Variants in NRIP2 observed in about 807,000 individuals in gnomAD.
The protein encoded by NRIP2 is nuclear receptor-interacting protein 2.
A neutral mutation model predicts 34.1 loss-of-function variants in NRIP2; 27 were observed. The observed-to-expected ratio is 0.79, with a 90% CI of 0.58 to 1.09. NRIP2 has a LOEUF of 1.09. Among genes scored for constraint, NRIP2 ranks in the 50% least tolerant of loss-of-function variants. The probability of loss-of-function intolerance (pLI) is 0.00; values close to 1 mark genes in which losing one functional copy is unlikely to be tolerated. For synonymous variants in NRIP2, 145 were observed against 146.9 expected (o/e 0.99, Z 0.09); for missense variants, 385 against 352.6 (o/e 1.09, Z -0.74).
chr12:2,834,424 C>T lies in NRIP2; in HGVS notation c.342+218G>A, dbSNP rs541476470. On this transcript the variant is annotated intron_variant, in intron 1 of 5. Coordinates refer to ENST00000337508, the MANE Select transcript of NRIP2 (RefSeq NM_031474.3). The stretch of plus-strand genomic sequence containing the variant: ...GGGGCCATTAGAGGAAAAAGGGAAG[C>T]CAAGCAATGAGAGAATAGGAACCCT... Among the ~76,000 whole-genome samples, 6 of 152,256 alleles carry T rather than the reference C, an allele frequency of 3.9e-5. No individual in the cohort carries two copies. In the South Asian group the frequency reaches 1.2e-3, roughly 32 times the overall value.
chr12:2,834,868 G>C lies in NRIP2; in HGVS notation c.116C>G (p.Pro39Arg), dbSNP rs61735301. ...RSREDSVTPP[P>R]SSPWPTPPAG... ...TGGAGGAGTGGGCCAGGGGCTGCTC[G>C]GTGGGGGCGTCACCGAGTCCTCTCT... The change falls in exon 1 of 6, where the codon CCG (proline) becomes CGG (arginine). Residue 39 changes from proline (P) to arginine (R), a missense_variant. Physicochemically the swap from Pro to Arg is moderately radical, Grantham distance 103. Transcript: ENST00000337508. 2.2e-4 allele frequency: 357 copies of C among 1,613,850 alleles called. 2 individuals are homozygous for C. The African/African-American group carries it at 4.4e-3, about 20-fold the overall frequency.
chr12:2,827,708 T>A lies in NRIP2; in HGVS notation c.701-31A>T, dbSNP rs1340283444. 1.2e-6 allele frequency: 2 copies of A among 1,613,670 alleles called. No homozygotes were observed. The highest frequency in any genetic ancestry group is 2.2e-5 in the South Asian group (2 of 91,046). On this transcript the variant is annotated intron_variant, in intron 4 of 5. Transcript: ENST00000337508. This position sits in a 1 kb window ranked among gnomAD's most constrained non-coding sequence, Gnocchi z 4.0. ...GGAACAATTTGAAAACAGAAGAGGC[T>A]GAGGGTTCCCAGTGGTCACTGCTGC...
chr12:2,830,747 G>C lies in NRIP2; in HGVS notation c.456C>G (p.Thr152=). The C allele has an allele frequency of 6.2e-7, 1 of 1,613,730 alleles. No individual in the cohort carries two copies. The highest frequency in any genetic ancestry group is 8.5e-7 in the Non-Finnish European group (1 of 1,179,828). ...GAAGAGCTGGAATCTCTGTCCTGCT[G>C]GTCTTCCTCCTGCTCTCCTGGCCAT... The part of the protein sequence containing the change: ...LIHGQESRRK[T]SRTEIPALLV... Residue 152 remains threonine, a synonymous_variant, in exon 2 of 6, where the codon ACC becomes ACG. Transcript: ENST00000337508.
chr12:2,831,245 G>A (rs780528530), intron 1 of NRIP2, among the ~76,000 whole-genome samples: 4 of 151,230 alleles, frequency 2.6e-5, no homozygotes, highest in Non-Finnish European at 5.9e-5. Flanking sequence ...TCCTTCAATG[G>A]GCTTCAGATC....
chr12:2,834,838 C>T lies in NRIP2; in HGVS notation c.146G>A (p.Gly49Glu), dbSNP rs1262893537. 6.2e-7 allele frequency: 1 copy of T among 1,613,696 alleles called. No individual in the cohort carries two copies. Among genetic ancestry groups the T allele is most frequent in the South Asian group, 1.1e-5 (1 of 91,042 alleles). Residue 49 changes from glycine (G) to glutamate (E), a missense_variant, in exon 1 of 6, where the codon GGG becomes GAG. By Grantham distance (98) the Gly-to-Glu change is moderately conservative. Coordinates refer to ENST00000337508, the MANE Select transcript of NRIP2 (RefSeq NM_031474.3). ...PSSPWPTPPA[G>E]AMSTKQEARR... Reference sequence around the variant, plus strand: ...GGCCTCCTGCTTGGTGCTCATGGCCCCTGCTGGAGGAGTGGGCCAGGGGCT... The same window carrying T: ...GGCCTCCTGCTTGGTGCTCATGGCCTCTGCTGGAGGAGTGGGCCAGGGGCT...
rs2097970148 is a variant in NRIP2 at position 2,826,975 on chromosome 12, A to G, written c.*232T>C. The G allele has an allele frequency of 7.4e-7, 1 of 1,354,476 alleles. No individual in the cohort carries two copies. The highest frequency in any genetic ancestry group is 1.5e-5 in the African/African-American group (1 of 66,830). 83.9% of individuals were successfully genotyped at this position (1,354,476 alleles called of 1,614,324 possible). On this transcript the variant is annotated 3_prime_UTR_variant, in exon 6 of 6. Coordinates refer to ENST00000337508, the MANE Select transcript of NRIP2 (RefSeq NM_031474.3). Reference sequence around the variant, plus strand: ...TTTCTTGGGAGGAAGATGAATCAGAATCCTGGCATCGTGGGCCCTCTAGTG... The same window carrying G: ...TTTCTTGGGAGGAAGATGAATCAGAGTCCTGGCATCGTGGGCCCTCTAGTG...
chr12:2,828,417 A>C lies in NRIP2; in HGVS notation c.496-3T>G, dbSNP rs770362535. On this transcript the variant is annotated splice_polypyrimidine_tract_variant and splice_region_variant and intron_variant, in intron 2 of 5. Transcript: ENST00000337508. The stretch of plus-strand genomic sequence containing the variant: ...ACTCTAAGCAGCTGGTCCTGGCACT[A>C]AGAAAGAAGAATCGTGGTGAATCAG... 9.9e-6 allele frequency: 16 copies of C among 1,612,648 alleles called. No individual in the cohort carries two copies. Among genetic ancestry groups the C allele is most frequent in the Non-Finnish European group, 1.4e-5 (16 of 1,179,028 alleles).
In NRIP2 at chr12:2,830,699, G is replaced by C; in HGVS notation, c.495+9C>G. 6.2e-7 allele frequency: 1 copy of C among 1,605,108 alleles called. No individual in the cohort carries two copies. Among genetic ancestry groups the C allele is most frequent in the Non-Finnish European group, 8.5e-7 (1 of 1,176,060 alleles). ...GTTAATGAAAGTGTGTCCCTGGGAG[G>C]CCTCTCACCTTGCAGTTGACCAGAA... is the stretch of plus-strand genomic sequence containing the variant. On this transcript the variant is annotated intron_variant, in intron 2 of 5. Coordinates refer to ENST00000337508, the MANE Select transcript of NRIP2 (RefSeq NM_031474.3).
chr12:2,834,182 G>T lies in NRIP2; in HGVS notation c.342+460C>A, dbSNP rs567087146. Among the ~76,000 whole-genome samples the T allele has an allele frequency of 1.4e-3, 214 of 152,336 alleles. 1 individual carries two copies. Among genetic ancestry groups the T allele is most frequent in the African/African-American group, 5.0e-3 (206 of 41,576 alleles). The stretch of plus-strand genomic sequence containing the variant: ...CACAAAACCCTGATGCCCTGGGAAG[G>T]ATGGAGACCCCCGATGTTTTGATTC... On this transcript the variant is annotated intron_variant, in intron 1 of 5. Transcript: ENST00000337508.
At chr12:2,829,362 G>A (rs1365214379) in intron 2 of NRIP2, among the ~76,000 whole-genome samples, 1 of 152,178 alleles carries the variant, frequency 6.6e-6, no homozygotes, top group Non-Finnish European at 1.5e-5. Context: ...CATTCATTGA[G>A]TATTTACTAT....
rs1403423890 is a variant in NRIP2, at chr12:2,827,078, G to C, written c.*129C>G. The C allele has an allele frequency of 6.6e-7, 1 of 1,508,392 alleles. No individual in the cohort carries two copies. The highest frequency in any genetic ancestry group is 1.3e-5 in the South Asian group (1 of 77,672). The allele number at this position is 1,508,392 out of a possible 1,614,324, so 93.4% of individuals were successfully genotyped here. On this transcript the variant is annotated 3_prime_UTR_variant, in exon 6 of 6. Coordinates refer to ENST00000337508, the MANE Select transcript of NRIP2 (RefSeq NM_031474.3). This position sits in a 1 kb window ranked among gnomAD's most constrained non-coding sequence, Gnocchi z 4.0. ...CCAGCTGGGGAAAATGGGACAGCAGGGGTCAGGGAGGTGATTGGAAGGGCA... is the reference window on the plus strand; with the variant it reads ...CCAGCTGGGGAAAATGGGACAGCAGCGGTCAGGGAGGTGATTGGAAGGGCA...
chr12:2,834,000 G>C (rs933815725), intron 1 of NRIP2, among the ~76,000 whole-genome samples: 3 of 152,142 alleles, frequency 2.0e-5, no homozygotes, highest in African/African-American at 7.2e-5. Flanking sequence ...GTTTTCCGCC[G>C]CCCACTCACA....
intron 1 of NRIP2, among the ~76,000 whole-genome samples, chr12:2,833,679 G>A (rs781304428): frequency 2.0e-5 from 3 of 152,108 alleles, no homozygotes; most frequent in Non-Finnish European, 4.4e-5. Flanking sequence ...TCTCTTCCAC[G>A]GGTCAGAGGC....
chr12:2,828,192 T>C (rs1443796030), intron 3 of NRIP2, 140 bp downstream of exon 3: 8 of 1,138,330 alleles, frequency 7.0e-6, no homozygotes, highest in African/African-American at 1.6e-5. Flanking sequence ...TCTGCCAGAG[T>C]CTTCTAGCCA....
rs1484450872 is a variant in NRIP2 at position 2,827,216 on chromosome 12, A to G, written c.837T>C (p.Pro279=). The stretch of plus-strand genomic sequence containing the variant: ...CTGACTGAGACAGCAGTCACTGGCC[A>G]GGCTCTTGGTACAAAGGCAGGAAGG... ...ELPFLPLYQE[P]GQ Residue 279 remains proline (P), a synonymous_variant, in exon 6 of 6, where the codon CCT becomes CCC. Transcript: ENST00000337508. The surrounding 1 kb of genome is among the most constrained non-coding windows in gnomAD (Gnocchi z 4.0). The G allele has an allele frequency of 6.2e-7, 1 of 1,613,994 alleles. No homozygotes were observed. The highest frequency in any genetic ancestry group is 8.5e-7 in the Non-Finnish European group (1 of 1,180,018).
At chr12:2,832,507 GT>G (rs2098008604) in intron 1 of NRIP2, among the ~76,000 whole-genome samples, 1 of 151,894 alleles carries the variant, frequency 6.6e-6, no homozygotes, top group Admixed American at 6.6e-5. Flanking sequence ...TGAGAGAGAG[GT>G]TGTATCTTAA....
In NRIP2 at chr12:2,827,350, T is replaced by C. The variant is rs1048174960; in HGVS notation, c.754-51A>G. On this transcript the variant is annotated intron_variant, in intron 5 of 5. Transcript: ENST00000337508. The surrounding 1 kb of genome is among the most constrained non-coding windows in gnomAD (Gnocchi z 4.0). ...AGGTCACCTCAGCCCGCCACCTGCC[T>C]CCCGGCCTGCTCCTTTTGTTCCCCC... 1 of 1,575,996 alleles carries C rather than the reference T, an allele frequency of 6.3e-7. No homozygotes were observed. Among genetic ancestry groups the C allele is most frequent in the Non-Finnish European group, 8.6e-7 (1 of 1,164,200 alleles).
intron 1 of NRIP2, among the ~76,000 whole-genome samples, chr12:2,833,806 A>G (rs536099639): frequency 1.3e-5 from 2 of 152,080 alleles, no homozygotes; most frequent in African/African-American, 2.4e-5. Flanking sequence ...AGCTCTAACA[A>G]CTCTCCCAAC....
chr12:2,827,705 G>A lies in NRIP2; in HGVS notation c.701-28C>T. On this transcript the variant is annotated intron_variant, in intron 4 of 5. Coordinates refer to ENST00000337508, the MANE Select transcript of NRIP2 (RefSeq NM_031474.3). This position sits in a 1 kb window ranked among gnomAD's most constrained non-coding sequence, Gnocchi z 4.0. ...ATAGGAACAATTTGAAAACAGAAGA[G>A]GCTGAGGGTTCCCAGTGGTCACTGC... The A allele has an allele frequency of 6.2e-7, 1 of 1,613,722 alleles. No individual in the cohort carries two copies.
Sources: gnomAD v4.1 joint callset for allele counts (sites outside exome capture counted in the v4.1 genomes callset) on GRCh38, gnomAD v4.1.1 for gene constraint, Gnocchi (gnomAD v3.1) non-coding constraint, MANE v1.5 for transcripts, NCBI Gene and HGNC (gene_info 2026-07-23, HGNC 2026-07-21) for gene names.